Variants in PSD3 observed in about 807,000 individuals in gnomAD.
PSD3 encodes the protein pleckstrin and Sec7 domain containing 3.
A neutral mutation model predicts 105.5 loss-of-function variants in PSD3; 49 were observed. The ratio of observed to expected loss-of-function variants is 0.46; its 90% CI spans 0.37 to 0.59. The LOEUF is 0.59. Among genes scored for constraint, PSD3 ranks in the 20% least tolerant of loss-of-function variants. The probability of loss-of-function intolerance (pLI) is 0.00; values close to 1 mark genes in which losing one functional copy is unlikely to be tolerated. For missense variants in PSD3, 1,561 were observed against 1,263.8 expected, an observed-to-expected ratio of 1.24 and a Z score of -3.57; for synonymous variants, 557 against 457.8, an observed-to-expected ratio of 1.22 and a Z score of -2.77.
At chr8:18,839,778 T>G (rs1196100686) in intron 4 of PSD3, among the ~76,000 whole-genome samples, 1 of 152,252 alleles carries the variant, frequency 6.6e-6, no homozygotes, top group South Asian at 2.1e-4. Context: ...AAGCAACACT[T>G]GGGCTTGGCT....
At chr8:18,781,309 G>T (rs999998063) in intron 8 of PSD3, among the ~76,000 whole-genome samples, 4 of 152,160 alleles carry the variant, frequency 2.6e-5, no homozygotes, top group Non-Finnish European at 5.9e-5. Context: ...CAGCCCTTCT[G>T]ATGCATGCAT....
intron 14 of PSD3, among the ~76,000 whole-genome samples, chr8:18,571,146 C>T (rs912161155): frequency 6.6e-6 from 1 of 152,128 alleles, no homozygotes; most frequent in African/African-American, 2.4e-5. Context: ...CAGGCATGAG[C>T]CACTGTGCCC....
At chr8:18,898,049 T>C (rs1252594180) in intron 2 of PSD3, among the ~76,000 whole-genome samples, 1 of 152,210 alleles carries the variant, frequency 6.6e-6, no homozygotes, top group Non-Finnish European at 1.5e-5. Flanking sequence ...TTCAGTATAA[T>C]GTTGGCTATG....
intron 1 of PSD3, among the ~76,000 whole-genome samples, chr8:18,976,691 T>A (rs1236090963): frequency 6.6e-6 from 1 of 152,242 alleles, no homozygotes; most frequent in Non-Finnish European, 1.5e-5. Flanking sequence ...GCACGCAGTA[T>A]TACTAATAAT....
At chr8:18,834,067 T>TA (rs1466711593) in intron 4 of PSD3, among the ~76,000 whole-genome samples, 3 of 152,158 alleles carry the variant, frequency 2.0e-5, no homozygotes, top group Non-Finnish European at 4.4e-5. Context: ...TACAGTTAAA[T>TA]AAACACTATG....
chr8:18,625,723 C>T (rs1312723453), intron 11 of PSD3, among the ~76,000 whole-genome samples: 3 of 152,166 alleles, frequency 2.0e-5, no homozygotes, highest in Non-Finnish European at 4.4e-5. Context: ...AGATACACTG[C>T]TATTCTATAC....
chr8:18,565,388 C>A (rs752699517), intron 14 of PSD3, among the ~76,000 whole-genome samples: 2 of 152,152 alleles, frequency 1.3e-5, no homozygotes, highest in African/African-American at 4.8e-5. Flanking sequence ...TCTGGCAGCA[C>A]TGTCATGAAA....
intron 9 of PSD3, among the ~76,000 whole-genome samples, chr8:18,738,901 ATT>A (rs33916460): frequency 6.6e-6 from 1 of 151,876 alleles, no homozygotes; most frequent in African/African-American, 2.4e-5. Context: ...AATTCTAGTC[ATT>A]TTTTTTGTTC....
At chr8:18,727,582 A>ACACG (rs1803427313) in intron 9 of PSD3, among the ~76,000 whole-genome samples, 1 of 144,680 alleles carries the variant, frequency 6.9e-6, no homozygotes, top group Non-Finnish European at 1.5e-5. Context: ...ACACACACAC[A>ACACG]CGCACGCACA....
At chr8:19,037,997 ATTAT>A (rs1471577444) in intron 1 of PSD3, among the ~76,000 whole-genome samples, 2 of 150,782 alleles carry the variant, frequency 1.3e-5, no homozygotes, top group East Asian at 3.9e-4. Context: ...TATATTATAG[ATTAT>A]TTATATATAC....
At chr8:18,865,126 A>G (rs1039344662) in intron 4 of PSD3, 21 of 150,702 alleles carry the variant, frequency 1.4e-4, no homozygotes, top group Non-Finnish European at 2.8e-4. Flanking sequence ...AATCCGGCCT[A>G]GGAGCCAGAC....
chr8:18,632,660 C>T lies in PSD3; in HGVS notation c.2363G>A (p.Ser788Asn), dbSNP rs1806984063. ...ATGAATTTTCCGAGCCAAGAATCCA[C>T]TTTTGTACACAGCAGCATTTGGATC... The part of the protein sequence containing the change: ...PHDPNAAVYK[S>N]GFLARKIHAD... Residue 788 changes from serine (S) to asparagine (N), a missense_variant, in exon 11 of 16, where the codon AGT becomes AAT. Ser to Asn is a conservative substitution (Grantham distance 46). Coordinates refer to ENST00000327040, the MANE Select transcript of PSD3 (RefSeq NM_015310.4). 6.8e-6 allele frequency: 11 copies of T among 1,612,690 alleles called. No individual in the cohort carries two copies. The highest frequency in any genetic ancestry group is 9.3e-6 in the Non-Finnish European group (11 of 1,179,114).
At chr8:18,670,436 G>C (rs1262019344) in intron 9 of PSD3, among the ~76,000 whole-genome samples, 2 of 152,172 alleles carry the variant, frequency 1.3e-5, no homozygotes, top group Non-Finnish European at 2.9e-5. Flanking sequence ...TCTGTGTGGA[G>C]AAAGGATTAT....
In PSD3 at chr8:18,616,623, C is replaced by CTT. The variant is rs1215460486; in HGVS notation, c.2410+15988_2410+15989dup. 2.8e-4 allele frequency among the ~76,000 whole-genome samples: 28 copies of CTT among 98,550 alleles called. 3 individuals are homozygous for CTT. Among genetic ancestry groups the CTT allele is most frequent in the African/African-American group, 3.3e-4 (9 of 27,388 alleles). The allele number at this position is 98,550 out of a possible 152,430, so 64.7% of individuals were successfully genotyped here. ...GCCAGGCCTCATCTTCCTCTCTTTT[C>CTT]TTTTCTTTTTTTTTTTTTGAGACGG... On this transcript the variant is annotated intron_variant, in intron 11 of 15. Coordinates refer to ENST00000327040, the MANE Select transcript of PSD3 (RefSeq NM_015310.4).
At chr8:18,975,877 T>C (rs554484083) in intron 1 of PSD3, among the ~76,000 whole-genome samples, 1 of 152,298 alleles carries the variant, frequency 6.6e-6, no homozygotes, top group African/African-American at 2.4e-5. Flanking sequence ...GTAATATCAT[T>C]GGTTATTGAG....
rs370868520 is a variant in PSD3, at chr8:18,584,511, TA to T, written c.2482-9227del. Among the ~76,000 whole-genome samples, 17 of 152,314 alleles carry T rather than the reference TA, an allele frequency of 1.1e-4. No individual in the cohort carries two copies. The East Asian group carries it at 2.9e-3, about 26-fold the overall frequency. ...ACTTTAGAACGCCAGCTTTTCAATTTAAAAAATGGGAACAGTATCCTTCTAT... is the reference window on the plus strand; with the variant it reads ...ACTTTAGAACGCCAGCTTTTCAATTTAAAAATGGGAACAGTATCCTTCTAT... On this transcript the variant is annotated intron_variant, in intron 12 of 15. Transcript: ENST00000327040.
At chr8:18,941,256 T>A (rs956017545) in intron 1 of PSD3, among the ~76,000 whole-genome samples, 14 of 152,244 alleles carry the variant, frequency 9.2e-5, no homozygotes, top group African/African-American at 3.4e-4. Flanking sequence ...GTGATCAGAC[T>A]TAAATCTCGG....
rs10669321 is a variant in PSD3 at position 19,026,701 on chromosome 8, CA to C, written c.324+57504del. ...GCAACATAGCAAGACCACATCTCTACAAAAAAAAAAAAAAAAAAAAAAATGC... is the reference window on the plus strand; with the variant it reads ...GCAACATAGCAAGACCACATCTCTACAAAAAAAAAAAAAAAAAAAAAATGC... On this transcript the variant is annotated intron_variant, in intron 1 of 1. Coordinates refer to the PSD3 transcript ENST00000521475. Among the ~76,000 whole-genome samples, 630 of 82,192 alleles carry C rather than the reference CA, an allele frequency of 7.7e-3. 2 individuals carry two copies. Among genetic ancestry groups the C allele is most frequent in the South Asian group, 0.051 (84 of 1,654 alleles). 53.9% of individuals were successfully genotyped at this position (82,192 alleles called of 152,430 possible). A position where few individuals can be genotyped will look rare whatever the true frequency, so the allele number is the denominator to read the frequency against.
chr8:18,776,384 T>A (rs202180230), intron 8 of PSD3, among the ~76,000 whole-genome samples: 16 of 125,796 alleles, frequency 1.3e-4, no homozygotes, highest in Admixed American at 6.0e-4. Context: ...ATATATATAA[T>A]TTTTTTTTTT....
Sources: gnomAD v4.1 joint callset for allele counts (sites outside exome capture counted in the v4.1 genomes callset) on GRCh38, gnomAD v4.1.1 for gene constraint, MANE v1.5 for transcripts, NCBI Gene and HGNC (gene_info 2026-07-23, HGNC 2026-07-21) for gene names.